Variants in TERF2IP observed in about 807,000 individuals in gnomAD.
TERF2IP encodes the protein TERF2 interacting protein.
In TERF2IP, 35 loss-of-function variants were observed where a neutral mutation model predicts 33.3. That is an observed-to-expected ratio of 1.05 (90% confidence interval 0.80 to 1.39). The LOEUF is 1.39. Ranked by LOEUF, TERF2IP falls within the 40% of genes most tolerant of loss-of-function variation. The pLI, the probability that TERF2IP is intolerant of heterozygous loss-of-function variation, is 0.00. For missense variants in TERF2IP, 583 were observed against 524.8 expected, an observed-to-expected ratio of 1.11 and a Z score of -1.08; for synonymous variants, 253 against 223.2, an observed-to-expected ratio of 1.13 and a Z score of -1.19.
rs1006096793 is a variant in TERF2IP, at chr16:75,656,998, A to T, written c.*387A>T. 6.0e-6 allele frequency: 1 copy of T among 165,424 alleles called. No homozygotes were observed. Among genetic ancestry groups the T allele is most frequent in the Non-Finnish European group, 1.3e-5 (1 of 77,120 alleles). The allele number at this position is 165,424 out of a possible 1,614,324, so 10.2% of individuals were successfully genotyped here. A position where few individuals can be genotyped will look rare whatever the true frequency, so the allele number is the denominator to read the frequency against. On this transcript the variant is annotated 3_prime_UTR_variant, in exon 3 of 3. Transcript: ENST00000300086. ...CATAAGTAATCTCCTGTCCTTTGGC[A>T]GAAGCTCCTTTAGATTGGGATAGAT...
chr16:75,656,804 G>C lies in TERF2IP; in HGVS notation c.*193G>C. On this transcript the variant is annotated 3_prime_UTR_variant, in exon 3 of 3. Coordinates refer to ENST00000300086, the MANE Select transcript of TERF2IP (RefSeq NM_018975.4). Reference sequence around the variant, plus strand: ...GAGGGGGATAAAAAGAAAAGAAATTGGATGTATTTACAGCTGTCCTTGAAC... The same window carrying C: ...GAGGGGGATAAAAAGAAAAGAAATTCGATGTATTTACAGCTGTCCTTGAAC... 3.4e-6 allele frequency: 2 copies of C among 586,488 alleles called. No individual in the cohort carries two copies. Among genetic ancestry groups the C allele is most frequent in the Non-Finnish European group, 6.0e-6 (2 of 335,026 alleles). The allele number at this position is 586,488 out of a possible 1,614,324, so 36.3% of individuals were successfully genotyped here.
intron 2 of TERF2IP, among the ~76,000 whole-genome samples, chr16:75,655,783 C>T (rs921257748): frequency 1.3e-5 from 2 of 152,160 alleles, no homozygotes; most frequent in Non-Finnish European, 2.9e-5. Context: ...ACAAAACATA[C>T]AATTCCTGCC....
Position 75,648,343 on chromosome 16 carries a change from C to G in TERF2IP, c.461C>G (p.Ser154Trp), listed in dbSNP as rs1369807712. ...ACCTACGTGAAGGAAAATGCCCGCT[C>G]GCCCAGCTCCGTCACCGGTAACGCC... The part of the protein sequence containing the change: ...ILTYVKENAR[S>W]PSSVTGNALW... The change falls in exon 1 of 3, where the codon TCG becomes TGG. Residue 154 changes from serine to tryptophan, a missense_variant. Transcript: ENST00000300086. 1 of 1,588,290 alleles carries G rather than the reference C, an allele frequency of 6.3e-7. No individual in the cohort carries two copies. The highest frequency in any genetic ancestry group is 1.1e-5 in the South Asian group (1 of 87,220).
At chr16:75,649,606 C>T (rs1446711182) in intron 1 of TERF2IP, among the ~76,000 whole-genome samples, 1 of 151,970 alleles carries the variant, frequency 6.6e-6, no homozygotes, top group Non-Finnish European at 1.5e-5. Flanking sequence ...TAACTGGCTT[C>T]TTGTGTTTCT....
rs748995836 is a variant in TERF2IP at position 75,656,637 on chromosome 16, AAGT to A, written c.*27_*29del. ...TTGGCAAGATAATGAGAAAAGAAAA[AAGT>A]CATGGTAGGTGAGGTGGTTAAAAAA... is the stretch of plus-strand genomic sequence containing the variant. On this transcript the variant is annotated 3_prime_UTR_variant, in exon 3 of 3. Coordinates refer to ENST00000300086, the MANE Select transcript of TERF2IP (RefSeq NM_018975.4). 9 of 1,566,142 alleles carry A rather than the reference AAGT, an allele frequency of 5.7e-6. No individual in the cohort carries two copies. The highest frequency in any genetic ancestry group is 7.8e-6 in the Non-Finnish European group (9 of 1,158,714).
At chr16:75,650,348 C>G (rs1443514530) in intron 1 of TERF2IP, among the ~76,000 whole-genome samples, 1 of 151,976 alleles carries the variant, frequency 6.6e-6, no homozygotes, top group Non-Finnish European at 1.5e-5. Flanking sequence ...AGTGTTCAGG[C>G]AGAGGAAGAA....
At position 75,648,066 on chromosome 16, in the gene TERF2IP, G is replaced by A. The variant is rs1218108622; in HGVS notation, c.184G>A (p.Val62Met). Residue 62 changes from valine (V) to methionine (M), a missense_variant, in exon 1 of 3, where the codon GTG becomes ATG. Physicochemically the swap from Val to Met is conservative, Grantham distance 21. Transcript: ENST00000300086. ...TVCRVQEPGA[V>M]LLAQPGEALA... ...GTGCCGAGTGCAGGAGCCCGGGGCC[G>A]TGCTGCTGGCCCAGCCCGGGGAGGC... 1 of 1,588,110 alleles carries A rather than the reference G, an allele frequency of 6.3e-7. No homozygotes were observed. The highest frequency in any genetic ancestry group is 8.6e-7 in the Non-Finnish European group (1 of 1,167,330).
In TERF2IP at chr16:75,656,297, G is replaced by A. The variant is rs867208685; in HGVS notation, c.886G>A (p.Asp296Asn). The A allele has an allele frequency of 6.2e-7, 1 of 1,614,174 alleles. No homozygotes were observed. Among genetic ancestry groups the A allele is most frequent in the Middle Eastern group, 1.6e-4 (1 of 6,062 alleles). The change falls in exon 3 of 3, where the codon GAT (aspartate) becomes AAT (asparagine). Residue 296 changes from aspartate (D) to asparagine (N), a missense_variant. Coordinates refer to ENST00000300086, the MANE Select transcript of TERF2IP (RefSeq NM_018975.4). ...TPEEDSETQP[D>N]EEEEEEEEKV... ...TGAGGAAGACTCAGAAACACAGCCT[G>A]ATGAGGAGGAAGAAGAAGAAGAAGA... is the stretch of plus-strand genomic sequence containing the variant.
rs563983679 is a variant in TERF2IP, at chr16:75,652,080, GT to G, written c.671-2189del. 2.3e-3 allele frequency among the ~76,000 whole-genome samples: 346 copies of G among 152,268 alleles called. 1 individual carries two copies. Among genetic ancestry groups the G allele is most frequent in the African/African-American group, 8.0e-3 (332 of 41,558 alleles). ...AACGTATATTCCCTTAAACATGGCA[GT>G]TTTGTTCTAGGAATTTATCCCGTAG... On this transcript the variant is annotated intron_variant, in intron 1 of 2. Transcript: ENST00000300086.
chr16:75,650,135 T>G (rs948824972), intron 1 of TERF2IP, among the ~76,000 whole-genome samples: 1 of 152,154 alleles, frequency 6.6e-6, no homozygotes, highest in African/African-American at 2.4e-5. Flanking sequence ...AATATAACAA[T>G]AAATAAAAGT....
rs1156897965 is a variant in TERF2IP, at chr16:75,648,503, G to A, written c.621G>A (p.Gln207=). Residue 207 remains glutamine (Q), a synonymous_variant, in exon 1 of 3, where the codon CAG becomes CAA. Transcript: ENST00000300086. ...ACGCGCCGGTGAGCCCCTCCTCCCA[G>A]AAGCTCAAGCGGAAGGCGGAGGAGG... ...LGDAPVSPSS[Q]KLKRKAEEDP... The A allele has an allele frequency of 1.9e-6, 3 of 1,584,922 alleles. No individual in the cohort carries two copies. Among genetic ancestry groups the A allele is most frequent in the Admixed American group, 1.8e-5 (1 of 55,366 alleles).
chr16:75,654,474 T>C, intron 2 of TERF2IP, 77 bp downstream of exon 2: 1 of 1,471,824 alleles, frequency 6.8e-7, no homozygotes, highest in Non-Finnish European at 9.2e-7. Context: ...TGTACACCTT[T>C]TTCATCTACC....
At chr16:75,654,208 C>A in intron 1 of TERF2IP, 65 bp from the exon 2 acceptor site, 5 of 1,361,932 alleles carry the variant, frequency 3.7e-6, no homozygotes, top group Middle Eastern at 2.4e-4. Context: ...GCTCACACAG[C>A]AAATATATTT....
chr16:75,648,727 A>G (rs1313179077), intron 1 of TERF2IP, 175 bp downstream of exon 1: 2 of 1,422,970 alleles, frequency 1.4e-6, no homozygotes, highest in Non-Finnish European at 1.8e-6. Context: ...CTTGTTGTTT[A>G]TTATTGTTCT....
At chr16:75,655,917 ATATTCTATTGGAATACTATAGTCAAT>A (rs1442312898) in intron 2 of TERF2IP, among the ~76,000 whole-genome samples, 2 of 152,164 alleles carry the variant, frequency 1.3e-5, no homozygotes, top group East Asian at 3.8e-4. Flanking sequence ...GTAGCTTCTA[ATATTCTATTGGAATACTATAGTCAAT>A]TATACACACA....
At position 75,647,829 on chromosome 16, in the gene TERF2IP, G is replaced by A; in HGVS notation, c.-54G>A. The stretch of plus-strand genomic sequence containing the variant: ...GTGACAGCTCAGTCAGTTGAGCTCT[G>A]TGTGCCAGGCGCTCGCGAGGGGGTA... On this transcript the variant is annotated 5_prime_UTR_variant, in exon 1 of 3. In the 5' UTR this introduces an upstream ATG that the reference lacks. Coordinates refer to ENST00000300086, the MANE Select transcript of TERF2IP (RefSeq NM_018975.4). 1.3e-6 allele frequency: 2 copies of A among 1,596,888 alleles called. No homozygotes were observed. The highest frequency in any genetic ancestry group is 1.7e-6 in the Non-Finnish European group (2 of 1,168,712).
rs71394230 is a variant in TERF2IP at position 75,648,734 on chromosome 16, T to C, written c.670+182T>C. ...CTCGCTCCCTTGTTGTTTATTATTG[T>C]TCTTTTTTTGCGATGGGTCTCTGTT... On this transcript the variant is annotated intron_variant, in intron 1 of 2. Transcript: ENST00000300086. 6.7e-5 allele frequency: 95 copies of C among 1,422,456 alleles called. No individual in the cohort carries two copies. The Admixed American group carries it at 2.3e-3, about 35-fold the overall frequency. The allele number at this position is 1,422,456 out of a possible 1,614,324, so 88.1% of individuals were successfully genotyped here.
chr16:75,651,613 A>G (rs4888443), intron 1 of TERF2IP, among the ~76,000 whole-genome samples: 69,555 of 151,970 alleles, frequency 0.46, 19,295 homozygotes, highest in East Asian at 0.88. Context: ...TGCTTGAACC[A>G]GGGAGGTGTA....
In TERF2IP at chr16:75,657,392, G is replaced by C. The variant is rs1218760518; in HGVS notation, c.*781G>C. The C allele has an allele frequency of 6.6e-6, 1 of 152,118 alleles. No individual in the cohort carries two copies. The highest frequency in any genetic ancestry group is 6.6e-5 in the Admixed American group (1 of 15,262). The allele number at this position is 152,118 out of a possible 1,614,324, so 9.4% of individuals were successfully genotyped here. The stretch of plus-strand genomic sequence containing the variant: ...TAGTGGATTGACTCCACTTTGTTGT[G>C]TTGTTTTCATTGTTGAAAATAAATA... On this transcript the variant is annotated 3_prime_UTR_variant, in exon 3 of 3. Coordinates refer to ENST00000300086, the MANE Select transcript of TERF2IP (RefSeq NM_018975.4).
Sources: gnomAD v4.1 joint callset for allele counts (sites outside exome capture counted in the v4.1 genomes callset) on GRCh38, gnomAD v4.1.1 for gene constraint, MANE v1.5 for transcripts, NCBI Gene and HGNC (gene_info 2026-07-23, HGNC 2026-07-21) for gene names.